Variants in TENM3 observed in about 807,000 individuals in gnomAD.
TENM3 encodes the protein teneurin transmembrane protein 3.
In TENM3, 63 loss-of-function variants were observed where a neutral mutation model predicts 255.1. The observed-to-expected ratio is 0.25, with a 90% CI of 0.20 to 0.30. TENM3 has a LOEUF of 0.30. Among genes scored for constraint, TENM3 ranks in the 10% least tolerant of loss-of-function variants. The pLI is 1.00. For missense variants in TENM3, 2,929 were observed against 3,461.1 expected, an observed-to-expected ratio of 0.85 and a Z score of 3.86; for synonymous variants, 1,306 against 1,322.3, an observed-to-expected ratio of 0.99 and a Z score of 0.27.
At chr4:182,342,166 A>C (rs2150629410) in intron 2 of TENM3, among the ~76,000 whole-genome samples, 1 of 152,350 alleles carries the variant, frequency 6.6e-6, no homozygotes, top group Admixed American at 6.5e-5. Context: ...AGACATATGT[A>C]CGCATGAAAA....
chr4:182,294,045 G>C (rs1474806858), intron 1 of TENM3, among the ~76,000 whole-genome samples: 1 of 152,014 alleles, frequency 6.6e-6, no homozygotes, highest in Non-Finnish European at 1.5e-5. Flanking sequence ...GTAAACTTCA[G>C]GATTTCCTCT....
intron 1 of TENM3, among the ~76,000 whole-genome samples, chr4:182,209,888 C>G (rs998809836): frequency 6.6e-6 from 1 of 152,032 alleles, no homozygotes; most frequent in Non-Finnish European, 1.5e-5. Flanking sequence ...GTGAAGTCAT[C>G]TGCAGGGGGA....
rs538571302 is a variant in TENM3 at position 182,397,051 on chromosome 4, T to C, written c.511+50122T>C. 3.9e-5 allele frequency among the ~76,000 whole-genome samples: 6 copies of C among 152,042 alleles called. No individual in the cohort carries two copies. The South Asian group carries it at 8.3e-4, about 21-fold the overall frequency. On this transcript the variant is annotated intron_variant, in intron 3 of 27. Coordinates refer to ENST00000511685, the MANE Select transcript of TENM3 (RefSeq NM_001080477.4). ...AGCCGTAAGTTTAATAATAAAAGAA[T>C]CTTGGAATCACATGTATAATCAAAT...
the TENM3 span, among the ~76,000 whole-genome samples, chr4:181,694,142 T>A: frequency 3.3e-5 from 5 of 152,192 alleles, no homozygotes; most frequent in Non-Finnish European, 7.3e-5. Context: ...GTAAAGTTTC[T>A]GTAGCAATCA....
chr4:182,500,577 C>G (rs1736211906), intron 3 of TENM3, among the ~76,000 whole-genome samples: 1 of 151,948 alleles, frequency 6.6e-6, no homozygotes, highest in Non-Finnish European at 1.5e-5. Context: ...TTTTTTAAAG[C>G]AAGAATATAT....
chr4:182,398,253 C>T (rs1962268013), intron 3 of TENM3, among the ~76,000 whole-genome samples: 1 of 152,094 alleles, frequency 6.6e-6, no homozygotes, highest in African/African-American at 2.4e-5. Flanking sequence ...GTGAGATTGG[C>T]TCCAGATCCT....
At chr4:181,922,434 A>G in the TENM3 span, among the ~76,000 whole-genome samples, 27 of 151,658 alleles carry the variant, frequency 1.8e-4, 1 homozygote, top group Admixed American at 1.7e-3. Context: ...TCTATTCAGA[A>G]ATTCAACTTC....
intron 3 of TENM3, among the ~76,000 whole-genome samples, chr4:182,517,359 A>T (rs1197724158): frequency 3.1e-5 from 4 of 128,148 alleles, no homozygotes; most frequent in African/African-American, 8.9e-5. Flanking sequence ...TATTTGGTTT[A>T]AAAAAAAACA....
chr4:182,484,101 A>G (rs991269828), intron 3 of TENM3, among the ~76,000 whole-genome samples: 1 of 152,216 alleles, frequency 6.6e-6, no homozygotes, highest in Non-Finnish European at 1.5e-5. Flanking sequence ...GACAATGACT[A>G]GACACCCACA....
intron 3 of TENM3, among the ~76,000 whole-genome samples, chr4:182,434,016 A>G (rs1771862896): frequency 6.6e-6 from 1 of 152,108 alleles, no homozygotes; most frequent in African/African-American, 2.4e-5. Context: ...CGGGAGACTG[A>G]GGCAGAAGGA....
intron 3 of TENM3, among the ~76,000 whole-genome samples, chr4:182,561,621 A>G (rs79496604): frequency 0.012 from 1,860 of 152,036 alleles, 44 homozygotes; most frequent in East Asian, 0.081. Context: ...TAATGGGAAG[A>G]CTTTTTGTCA....
At chr4:181,848,186 C>T in the TENM3 span, among the ~76,000 whole-genome samples, 1 of 152,146 alleles carries the variant, frequency 6.6e-6, no homozygotes, top group African/African-American at 2.4e-5. Context: ...TAAGAAAGAA[C>T]AAAACCTGCT....
At chr4:181,547,745 T>C in the TENM3 span, among the ~76,000 whole-genome samples, 6 of 152,284 alleles carry the variant, frequency 3.9e-5, no homozygotes, top group Admixed American at 2.6e-4. Flanking sequence ...TAAAATAATA[T>C]TTGCTCCAAA....
chr4:181,938,970 C>G, the TENM3 span, among the ~76,000 whole-genome samples: 2 of 151,960 alleles, frequency 1.3e-5, no homozygotes, highest in Non-Finnish European at 2.9e-5. Flanking sequence ...TGTACGTTAG[C>G]ACTAAAGAAC....
At chr4:181,581,389 C>A in the TENM3 span, among the ~76,000 whole-genome samples, 5 of 152,004 alleles carry the variant, frequency 3.3e-5, no homozygotes, top group African/African-American at 4.8e-5. Flanking sequence ...TGCAGTGAGC[C>A]GAGATAGTGC....
the TENM3 span, among the ~76,000 whole-genome samples, chr4:181,864,550 A>C: frequency 6.6e-6 from 1 of 152,230 alleles, no homozygotes; most frequent in African/African-American, 2.4e-5. Context: ...TCTTATAATC[A>C]GAATCCAGTT....
At chr4:182,448,742 C>A (rs1171099282) in intron 3 of TENM3, among the ~76,000 whole-genome samples, 4 of 151,936 alleles carry the variant, frequency 2.6e-5, no homozygotes, top group Admixed American at 1.3e-4. Context: ...CAGTGCAGTT[C>A]CCCCGTCTTC....
At chr4:182,190,535 G>A (rs890125088) in intron 1 of TENM3, among the ~76,000 whole-genome samples, 1 of 152,130 alleles carries the variant, frequency 6.6e-6, no homozygotes, top group Non-Finnish European at 1.5e-5. Context: ...TTTACAGGAC[G>A]ACGGAAGCCA....
the TENM3 span, among the ~76,000 whole-genome samples, chr4:181,798,674 G>C: frequency 6.6e-6 from 1 of 152,080 alleles, no homozygotes; most frequent in Non-Finnish European, 1.5e-5. Context: ...CCCAAGTAAT[G>C]TTTTTTTATT....
Sources: gnomAD v4.1 joint callset for allele counts (sites outside exome capture counted in the v4.1 genomes callset) on GRCh38, gnomAD v4.1.1 for gene constraint, MANE v1.5 for transcripts, NCBI Gene and HGNC (gene_info 2026-07-23, HGNC 2026-07-21) for gene names.